SLC9A4: variants seen among roughly 807,000 people sequenced by gnomAD.
The protein encoded by SLC9A4 is solute carrier family 9 member A4.
Under a neutral mutation model 67.4 loss-of-function variants are expected in SLC9A4, and 63 were observed. That is an observed-to-expected ratio of 0.93 (90% CI 0.76 to 1.15). SLC9A4 has a LOEUF of 1.15. SLC9A4 is among the 50% of genes most tolerant of loss of function. The probability of loss-of-function intolerance (pLI) is 0.00; values close to 1 mark genes in which losing one functional copy is unlikely to be tolerated. For missense variants in SLC9A4, 1,089 were observed against 987.7 expected (o/e 1.10, Z -1.38); for synonymous variants, 393 against 367.2 (o/e 1.07, Z -0.80).
chr2:102,479,009 G>C lies in SLC9A4; in HGVS notation c.427G>C (p.Gly143Arg). The change falls in exon 2 of 12, where the codon GGC (glycine) becomes CGC (arginine). Residue 143 changes from glycine to arginine, a missense_variant. Coordinates refer to ENST00000295269, the MANE Select transcript of SLC9A4 (RefSeq NM_001011552.4). Reference protein sequence around the residue: ...YLLPPIVLEGGYFMPTRPFFE... With the variant: ...YLLPPIVLEGRYFMPTRPFFE... ...CCTGCCACCCATCGTTCTGGAGGGC[G>C]GCTACTTCATGCCCACCCGGCCCTT... The C allele has an allele frequency of 6.2e-7, 1 of 1,614,180 alleles. No homozygotes were observed. The highest frequency in any genetic ancestry group is 8.5e-7 in the Non-Finnish European group (1 of 1,180,048).
At chr2:102,521,650 G>A (rs1219735759) in intron 9 of SLC9A4, among the ~76,000 whole-genome samples, 1 of 152,132 alleles carries the variant, frequency 6.6e-6, no homozygotes, top group Non-Finnish European at 1.5e-5. Flanking sequence ...ATCTCTTGAA[G>A]GAAAAGTCTA....
At chr2:102,530,947 A>C (rs1674766694) in intron 11 of SLC9A4, among the ~76,000 whole-genome samples, 1 of 152,054 alleles carries the variant, frequency 6.6e-6, no homozygotes. Context: ...CATTTTTTCA[A>C]GTGTAAATCT....
Position 102,512,194 on chromosome 2 carries a change from G to A in SLC9A4, c.1489-9G>A, listed in dbSNP as rs1405616891. ...CTCCAGCAATCATTTTCTTGTGTTT[G>A]TTTGGCAGCTGATGGATCACTTAAA... On this transcript the variant is annotated splice_polypyrimidine_tract_variant and intron_variant, in intron 6 of 11. Coordinates refer to ENST00000295269, the MANE Select transcript of SLC9A4 (RefSeq NM_001011552.4). 3 of 1,613,680 alleles carry A rather than the reference G, an allele frequency of 1.9e-6. No homozygotes were observed. In the African/African-American group the frequency reaches 4.0e-5, roughly 22 times the overall value.
At chr2:102,524,556 TTG>T (rs147920382) in intron 9 of SLC9A4, among the ~76,000 whole-genome samples, 2,463 of 145,472 alleles carry the variant, frequency 0.017, 63 homozygotes, top group African/African-American at 0.053. Flanking sequence ...GTGATAGGAA[TTG>T]TGTGTGTGTG....
At chr2:102,496,332 T>C (rs997715442) in intron 2 of SLC9A4, among the ~76,000 whole-genome samples, 1 of 152,168 alleles carries the variant, frequency 6.6e-6, no homozygotes, top group Non-Finnish European at 1.5e-5. Context: ...CACCCATCCA[T>C]TCAAATGACT....
chr2:102,474,092 C>T (rs577399253), intron 1 of SLC9A4, 77 bp downstream of exon 1: 297 of 1,512,998 alleles, frequency 2.0e-4, no homozygotes, highest in East Asian at 8.1e-4. Flanking sequence ...TTATAGATAA[C>T]GGGCTAAGAG....
chr2:102,532,804 T>C lies in SLC9A4; in HGVS notation c.*116T>C. 1 of 1,118,456 alleles carries C rather than the reference T, an allele frequency of 8.9e-7. No homozygotes were observed. Among genetic ancestry groups the C allele is most frequent in the Non-Finnish European group, 1.3e-6 (1 of 794,226 alleles). 69.3% of individuals were successfully genotyped at this position (1,118,456 alleles called of 1,614,324 possible). Reference sequence around the variant, plus strand: ...TATTGAGTTTGCTGTGTTGAAGCTATTAAACATGGATCTATAAGCAGCAGG... The same window carrying C: ...TATTGAGTTTGCTGTGTTGAAGCTACTAAACATGGATCTATAAGCAGCAGG... On this transcript the variant is annotated 3_prime_UTR_variant, in exon 12 of 12. Coordinates refer to ENST00000295269, the MANE Select transcript of SLC9A4 (RefSeq NM_001011552.4).
intron 2 of SLC9A4, among the ~76,000 whole-genome samples, chr2:102,494,036 G>A (rs534099802): frequency 1.3e-5 from 2 of 152,006 alleles, no homozygotes; most frequent in South Asian, 4.1e-4. Context: ...TACCCTTACA[G>A]GGATCCATGT....
At chr2:102,524,093 C>A (rs1339656931) in intron 9 of SLC9A4, among the ~76,000 whole-genome samples, 1 of 152,218 alleles carries the variant, frequency 6.6e-6, no homozygotes, top group African/African-American at 2.4e-5. Flanking sequence ...AATTTACTCA[C>A]TTATGTAATC....
chr2:102,504,098 G>T lies in SLC9A4; in HGVS notation c.980+391G>T, dbSNP rs563264393. Among the ~76,000 whole-genome samples the T allele has an allele frequency of 3.3e-5, 5 of 152,244 alleles. No homozygotes were observed. The East Asian group carries it at 7.7e-4, about 24-fold the overall frequency. ...GACAGAGTCTCGCTCTGTCGCCCAG[G>T]CTGGAGTGCAGTGGCACGATCTCGG... On this transcript the variant is annotated intron_variant, in intron 3 of 11. Coordinates refer to ENST00000295269, the MANE Select transcript of SLC9A4 (RefSeq NM_001011552.4).
chr2:102,478,829 T>A lies in SLC9A4; in HGVS notation c.257-10T>A. ...TTGCAAGCACCTAACTGCTCTTCGC[T>A]GTTCTGCAGGCTTCCACCTCTACCA... On this transcript the variant is annotated splice_polypyrimidine_tract_variant and intron_variant, in intron 1 of 11. Coordinates refer to ENST00000295269, the MANE Select transcript of SLC9A4 (RefSeq NM_001011552.4). 6.2e-7 allele frequency: 1 copy of A among 1,612,100 alleles called. No individual in the cohort carries two copies. The highest frequency in any genetic ancestry group is 1.1e-5 in the South Asian group (1 of 90,914).
intron 2 of SLC9A4, among the ~76,000 whole-genome samples, chr2:102,500,831 G>C (rs1372401601): frequency 6.6e-6 from 1 of 152,114 alleles, no homozygotes; most frequent in East Asian, 1.9e-4. Context: ...GGAGAGCAAG[G>C]AGAAGGCCTT....
rs753401274 is a variant in SLC9A4 at position 102,508,842 on chromosome 2, T to A, written c.1402-5T>A. 2 of 1,607,142 alleles carry A rather than the reference T, an allele frequency of 1.2e-6. No individual in the cohort carries two copies. The highest frequency in any genetic ancestry group is 1.7e-6 in the Non-Finnish European group (2 of 1,177,720). ...AAACCCTTTGTTTTGTTATTTCTGA[T>A]CTAGGGAATCACAGTTGGCCCTCTG... On this transcript the variant is annotated splice_region_variant and splice_polypyrimidine_tract_variant and intron_variant, in intron 5 of 11. Coordinates refer to ENST00000295269, the MANE Select transcript of SLC9A4 (RefSeq NM_001011552.4).
At position 102,479,317 on chromosome 2, in the gene SLC9A4, G is replaced by T. The variant is rs1274562806; in HGVS notation, c.720+15G>T. On this transcript the variant is annotated intron_variant, in intron 2 of 11. Coordinates refer to ENST00000295269, the MANE Select transcript of SLC9A4 (RefSeq NM_001011552.4). The stretch of plus-strand genomic sequence containing the variant: ...GCATTACTGTGGTGAGATGTCATGT[G>T]CCCGCCCGGCTTCCGGGGGAGATGA... 6.3e-7 allele frequency: 1 copy of T among 1,591,338 alleles called. No homozygotes were observed. Among genetic ancestry groups the T allele is most frequent in the Non-Finnish European group, 8.6e-7 (1 of 1,169,280 alleles).
intron 2 of SLC9A4, among the ~76,000 whole-genome samples, chr2:102,501,900 A>G (rs1464443921): frequency 6.6e-6 from 1 of 151,862 alleles, no homozygotes; most frequent in Non-Finnish European, 1.5e-5. Context: ...GGCAGGGTGC[A>G]GCATGAGGGG....
intron 11 of SLC9A4, 91 bp downstream of exon 11, chr2:102,526,437 A>T: frequency 8.8e-7 from 1 of 1,142,562 alleles, no homozygotes; most frequent in Non-Finnish European, 1.3e-6. Context: ...CATTAAGAAC[A>T]TTATGTAGGT....
chr2:102,508,650 A>AT (rs1375987833), intron 5 of SLC9A4, among the ~76,000 whole-genome samples, 197 bp from the exon 6 acceptor site: 1 of 152,230 alleles, frequency 6.6e-6, no homozygotes, highest in Non-Finnish European at 1.5e-5. Context: ...CTATATTAAC[A>AT]TACAGGCATG....
Position 102,479,137 on chromosome 2 carries a change from C to T in SLC9A4, c.555C>T (p.Ala185=), listed in dbSNP as rs750895727. 39 of 1,614,072 alleles carry T rather than the reference C, an allele frequency of 2.4e-5. No homozygotes were observed. Among genetic ancestry groups the T allele is most frequent in the Non-Finnish European group, 3.2e-5 (38 of 1,180,030 alleles). ...LSLYLICQVK[A]FGLGDVNLLQ... ...TCTACCTCATCTGCCAGGTGAAGGCCTTTGGCCTGGGCGACGTCAACCTGC... is the reference window on the plus strand; with the variant it reads ...TCTACCTCATCTGCCAGGTGAAGGCTTTTGGCCTGGGCGACGTCAACCTGC... Residue 185 remains alanine (A), a synonymous_variant, in exon 2 of 12, where the codon GCC becomes GCT. Transcript: ENST00000295269.
chr2:102,516,018 T>A (rs138171118), intron 8 of SLC9A4, among the ~76,000 whole-genome samples: 1 of 152,350 alleles, frequency 6.6e-6, no homozygotes, highest in African/African-American at 2.4e-5. Context: ...ATTTCACTTA[T>A]GTGAGCCCTT....
Sources: gnomAD v4.1 joint callset for allele counts (sites outside exome capture counted in the v4.1 genomes callset) on GRCh38, gnomAD v4.1.1 for gene constraint, MANE v1.5 for transcripts, NCBI Gene and HGNC (gene_info 2026-07-23, HGNC 2026-07-21) for gene names.